The following JCAD variants were observed in gnomAD, a reference collection of about 807,000 sequenced individuals.
JCAD encodes junctional cadherin 5-associated protein.
A neutral mutation model predicts 98.0 loss-of-function variants in JCAD; 40 were observed. That is an observed-to-expected ratio of 0.41 (90% CI 0.32 to 0.53). JCAD has a LOEUF of 0.53. JCAD is among the 20% of genes least tolerant of loss of function. JCAD has a pLI of 0.31. For synonymous variants in JCAD, 691 were observed against 682.3 expected, an observed-to-expected ratio of 1.01 and a Z score of -0.20; for missense variants, 1,705 against 1,738.1, an observed-to-expected ratio of 0.98 and a Z score of 0.34.
At chr10:30,019,357 C>CAAAAAAAAAAAAA (rs58164754) in intron 3 of JCAD, among the ~76,000 whole-genome samples, 2 of 100,306 alleles carry the variant, frequency 2.0e-5, no homozygotes, top group Non-Finnish European at 4.0e-5. Context: ...AACTCTGTCT[C>CAAAAAAAAAAAAA]AAAAAAAAAA....
At chr10:30,018,235 G>A (rs995424936) in intron 3 of JCAD, among the ~76,000 whole-genome samples, 1 of 151,280 alleles carries the variant, frequency 6.6e-6, no homozygotes. Flanking sequence ...TGGCAGTGAT[G>A]TGTTTGGCTG....
chr10:30,026,848 C>CA lies in JCAD; in HGVS notation c.3299dup (p.Pro1101AlafsTer13). Reference sequence around the variant, plus strand: ...TCTGTCCCGCTCTCCGGATGCCCGGCAGGAGGGACTCCACCGCCACCTCAA... The same window carrying CA: ...TCTGTCCCGCTCTCCGGATGCCCGGCAAGGAGGGACTCCACCGCCACCTCAA... On this transcript the variant is annotated frameshift_variant, in exon 3 of 4. Transcript: ENST00000375377. LOFTEE classifies it high-confidence loss of function. 6.2e-7 allele frequency: 1 copy of CA among 1,614,008 alleles called. No individual in the cohort carries two copies. Among genetic ancestry groups the CA allele is most frequent in the Non-Finnish European group, 8.5e-7 (1 of 1,180,018 alleles).
Position 30,113,683 on chromosome 10 carries a change from T to C in JCAD, n.128+1684A>G, listed in dbSNP as rs187720790. ...TCATAGGGCGACTTCTGGGCCCACC[T>C]CCCTCCACCTCTCTTCACCTAGCAC... On this transcript the variant is annotated intron_variant and non_coding_transcript_variant, in intron 1 of 2. Transcript: ENST00000465712. Among the ~76,000 whole-genome samples, 971 of 142,184 alleles carry C rather than the reference T, an allele frequency of 6.8e-3. 12 individuals carry two copies. Among genetic ancestry groups the C allele is most frequent in the African/African-American group, 0.025 (941 of 37,484 alleles). 93.3% of individuals were successfully genotyped at this position (142,184 alleles called of 152,430 possible).
At chr10:30,038,878 C>T (rs1837180039) in intron 2 of JCAD, among the ~76,000 whole-genome samples, 1 of 152,144 alleles carries the variant, frequency 6.6e-6, no homozygotes, top group Admixed American at 6.5e-5. Context: ...GGGGCAGCCG[C>T]CAGCTGCGTG....
Position 30,029,617 on chromosome 10 carries a change from A to C in JCAD, c.531T>G (p.Gly177=). ...PVWEEELRMS[G]PAKWQNVSLE... is the part of the protein sequence containing the mutation. ...GGCTGACGTTCTGCCACTTGGCAGG[A>C]CCTGACATTCGCAATTCTTCTTCCC... The change falls in exon 3 of 4, where the codon GGT becomes GGG. Residue 177 remains glycine (G), a synonymous_variant. Transcript: ENST00000375377. 1 of 1,614,144 alleles carries C rather than the reference A, an allele frequency of 6.2e-7. No homozygotes were observed. Among genetic ancestry groups the C allele is most frequent in the South Asian group, 1.1e-5 (1 of 91,076 alleles).
Position 30,013,005 on chromosome 10 carries a change from T to G in JCAD, c.*4878A>C, listed in dbSNP as rs1393947491. ...ATTATTCTTCATGCACCCTCACCTC[T>G]CATCACCTTAAGGCATCCTGTACCA... On this transcript the variant is annotated 3_prime_UTR_variant, in exon 4 of 4. Transcript: ENST00000375377. 6.6e-6 allele frequency: 1 copy of G among 152,260 alleles called. No individual in the cohort carries two copies. Among genetic ancestry groups the G allele is most frequent in the Non-Finnish European group, 1.5e-5 (1 of 68,092 alleles). The allele number at this position is 152,260 out of a possible 1,614,324, so 9.4% of individuals were successfully genotyped here.
At chr10:30,115,025 C>T (rs1449313495) in intron 1 of JCAD, among the ~76,000 whole-genome samples, 1 of 152,188 alleles carries the variant, frequency 6.6e-6, no homozygotes, top group Non-Finnish European at 1.5e-5. Flanking sequence ...GAGCTGGTCA[C>T]GTGACCAACC....
chr10:30,102,703 T>A (rs541380604), intron 1 of JCAD, among the ~76,000 whole-genome samples: 1 of 152,344 alleles, frequency 6.6e-6, no homozygotes, highest in South Asian at 2.1e-4. Flanking sequence ...TGCCCTTCGG[T>A]GCCTGGCTTA....
intron 2 of JCAD, among the ~76,000 whole-genome samples, chr10:30,068,543 T>C (rs1161737512): frequency 6.6e-6 from 1 of 152,174 alleles, no homozygotes; most frequent in Non-Finnish European, 1.5e-5. Context: ...TGGATTTGCT[T>C]ACATGATACT....
intron 1 of JCAD, among the ~76,000 whole-genome samples, chr10:30,097,504 CT>C (rs1033661137): frequency 2.2e-4 from 34 of 152,280 alleles, no homozygotes; most frequent in Admixed American, 1.4e-3. Context: ...AATCCCAGCA[CT>C]TTGAGAGGTT....
At chr10:30,074,447 G>T (rs1837946433) in intron 1 of JCAD, among the ~76,000 whole-genome samples, 1 of 152,284 alleles carries the variant, frequency 6.6e-6, no homozygotes, top group South Asian at 2.1e-4. Context: ...TCACAGATCG[G>T]GGGTCATGAG....
intron 1 of JCAD, among the ~76,000 whole-genome samples, chr10:30,071,635 T>C (rs533371197): frequency 1.9e-3 from 289 of 152,026 alleles, no homozygotes; most frequent in African/African-American, 6.8e-3. Context: ...TGAAATCCTG[T>C]CTCTACTAAA....
rs749221379 is a variant in JCAD at position 30,028,298 on chromosome 10, G to C, written c.1850C>G (p.Pro617Arg). The change falls in exon 3 of 4, where the codon CCG becomes CGG. Residue 617 changes from proline (P) to arginine (R), a missense_variant. Transcript: ENST00000375377. ...CAGCAGACTCTGTTCTTGCAGAGCC[G>C]GGCTCTTATCAGACCCATTCTTTTG... ...ADQKNGSDKS[P>R]ALQEQSLLSM... 20 of 1,614,086 alleles carry C rather than the reference G, an allele frequency of 1.2e-5. No homozygotes were observed. Among genetic ancestry groups the C allele is most frequent in the Admixed American group, 3.3e-5 (2 of 60,006 alleles).
intron 1 of JCAD, among the ~76,000 whole-genome samples, chr10:30,113,425 C>T (rs548851428): frequency 6.6e-6 from 1 of 151,864 alleles, no homozygotes; most frequent in Non-Finnish European, 1.5e-5. Context: ...GTGGCAGGCG[C>T]CTGTAATCCC....
upstream of JCAD, among the ~76,000 whole-genome samples, chr10:30,061,325 C>T (rs997140399): frequency 1.1e-4 from 16 of 152,124 alleles, no homozygotes; most frequent in African/African-American, 3.6e-4. Context: ...GGCGGATCAC[C>T]GGAGGTCTGG....
intron 1 of JCAD, among the ~76,000 whole-genome samples, chr10:30,112,669 C>T (rs1465264572): frequency 6.6e-6 from 1 of 151,736 alleles, no homozygotes; most frequent in Non-Finnish European, 1.5e-5. Flanking sequence ...GTCAGGAGAT[C>T]GAGACCAGCC....
At chr10:30,030,665 G>A (rs1000215571) in intron 2 of JCAD, among the ~76,000 whole-genome samples, 3 of 152,108 alleles carry the variant, frequency 2.0e-5, no homozygotes, top group African/African-American at 7.2e-5. Flanking sequence ...CTAAGAGAGA[G>A]ATTGCTGGGT....
At chr10:30,107,889 C>A (rs1027674502) in intron 1 of JCAD, among the ~76,000 whole-genome samples, 1 of 152,070 alleles carries the variant, frequency 6.6e-6, no homozygotes, top group African/African-American at 2.4e-5. Context: ...GAACAGCTAC[C>A]TTAAAACTTA....
intron 1 of JCAD, among the ~76,000 whole-genome samples, chr10:30,080,516 A>G (rs1328495086): frequency 1.3e-5 from 2 of 152,172 alleles, no homozygotes; most frequent in Admixed American, 1.3e-4. Context: ...CAGCCTAGAG[A>G]GCAATCTGAC....
Sources: gnomAD v4.1 joint callset for allele counts (sites outside exome capture counted in the v4.1 genomes callset) on GRCh38, gnomAD v4.1.1 for gene constraint, MANE v1.5 for transcripts, NCBI Gene and HGNC (gene_info 2026-07-23, HGNC 2026-07-21) for gene names.